HCLS1: variants seen among roughly 807,000 people sequenced by gnomAD.
HCLS1 encodes the protein hematopoietic lineage cell-specific protein.
In HCLS1, 44 loss-of-function variants were observed where a neutral mutation model predicts 68.6. That is an observed-to-expected ratio of 0.64 (90% CI 0.50 to 0.82). The LOEUF (loss-of-function observed/expected upper bound fraction) is 0.82. HCLS1 is among the 40% of genes least tolerant of loss of function. The pLI is 0.00. For missense variants in HCLS1, 602 were observed against 612.1 expected (o/e 0.98, Z 0.17); for synonymous variants, 217 against 225.8 (o/e 0.96, Z 0.35).
Position 121,642,970 on chromosome 3 carries a change from G to A in HCLS1, c.411C>T (p.Gly137=). Residue 137 remains glycine, a synonymous_variant, in exon 6 of 14, where the codon GGC becomes GGT. Transcript: ENST00000314583. ...TCTCCACTTCTCCTTTATAATCAAAGCCGACTGCTGACTACAGAGAAGAGG... is the reference window on the plus strand; with the variant it reads ...TCTCCACTTCTCCTTTATAATCAAAACCGACTGCTGACTACAGAGAAGAGG... ...ERDRADKSAV[G]FDYKGEVEKH... The A allele has an allele frequency of 6.2e-7, 1 of 1,612,994 alleles. No individual in the cohort carries two copies. The highest frequency in any genetic ancestry group is 8.5e-7 in the Non-Finnish European group (1 of 1,179,072).
chr3:121,634,374 C>A lies in HCLS1; in HGVS notation c.736G>T (p.Ala246Ser), dbSNP rs2049129679. The change falls in exon 10 of 14, where the codon GCT becomes TCT. Residue 246 changes from alanine (A) to serine (S), a missense_variant. Transcript: ENST00000314583. The stretch of plus-strand genomic sequence containing the variant: ...TCCTCTCGCTTCCTCTTCTCCTCAG[C>A]CATGGACTCAAATTTCGCCTTCAGC... ...RGLKAKFESM[A>S]EEKRKREEEE... 6.2e-7 allele frequency: 1 copy of A among 1,614,062 alleles called. No homozygotes were observed. The highest frequency in any genetic ancestry group is 8.5e-7 in the Non-Finnish European group (1 of 1,180,016).
Position 121,634,198 on chromosome 3 carries a change from G to T in HCLS1, c.903+9C>A. 3 of 1,614,038 alleles carry T rather than the reference G, an allele frequency of 1.9e-6. No homozygotes were observed. Among genetic ancestry groups the T allele is most frequent in the Non-Finnish European group, 2.5e-6 (3 of 1,180,030 alleles). ...CCTGGATGTGGATCCCAGAGGGCCA[G>T]GCGCTCACCTCTGAGGAGATTTTCT... On this transcript the variant is annotated intron_variant, in intron 10 of 13. Transcript: ENST00000314583.
chr3:121,654,736 A>G (rs763585150), intron 3 of HCLS1, among the ~76,000 whole-genome samples: 2 of 152,144 alleles, frequency 1.3e-5, no homozygotes, highest in African/African-American at 2.4e-5. Context: ...CTCTACAGCT[A>G]CTGTTTTGTT....
intron 7 of HCLS1, 132 bp from the exon 8 acceptor site, chr3:121,636,621 G>T: frequency 1.4e-6 from 1 of 725,170 alleles, no homozygotes; most frequent in Non-Finnish European, 2.4e-6. Flanking sequence ...GAGGATAGAG[G>T]GAGGCATGGA....
intron 6 of HCLS1, among the ~76,000 whole-genome samples, chr3:121,642,329 C>T (rs555762513): frequency 2.0e-5 from 3 of 149,758 alleles, no homozygotes; most frequent in East Asian, 4.0e-4. Flanking sequence ...ATTAGCCAGG[C>T]GTGCTGGCAG....
chr3:121,637,049 C>T (rs1320814181), intron 7 of HCLS1, 97 bp downstream of exon 7: 1 of 815,900 alleles, frequency 1.2e-6, no homozygotes, highest in Admixed American at 1.9e-5. Flanking sequence ...TGCACATCTG[C>T]CCCTCTGTAT....
intron 3 of HCLS1, among the ~76,000 whole-genome samples, chr3:121,650,776 A>AT (rs1019973350): frequency 7.9e-4 from 120 of 152,168 alleles, no homozygotes; most frequent in African/African-American, 2.8e-3. Context: ...AGCCCCATAA[A>AT]TTTTTTTTCA....
chr3:121,656,562 C>T (rs1214084752), intron 3 of HCLS1, among the ~76,000 whole-genome samples: 2 of 146,040 alleles, frequency 1.4e-5, no homozygotes, highest in Admixed American at 6.8e-5. Context: ...CTTCTGGTAT[C>T]GGAGGGTTTT....
At chr3:121,634,114 C>CT in intron 10 of HCLS1, 93 bp downstream of exon 10, 1 of 1,583,208 alleles carries the variant, frequency 6.3e-7, no homozygotes, top group Non-Finnish European at 8.6e-7. Context: ...CAGGGGAGGA[C>CT]TTTGCCTTAT....
intron 3 of HCLS1, among the ~76,000 whole-genome samples, chr3:121,653,214 C>T (rs1321109924): frequency 6.6e-6 from 1 of 152,124 alleles, no homozygotes; most frequent in Admixed American, 6.5e-5. Flanking sequence ...AACTGTTGTG[C>T]ACCTGTATTT....
chr3:121,642,091 A>C (rs1016602512), intron 6 of HCLS1, among the ~76,000 whole-genome samples: 2 of 151,082 alleles, frequency 1.3e-5, no homozygotes, highest in African/African-American at 4.9e-5. Flanking sequence ...AAAAAAAAAA[A>C]AAAAAAACTT....
At chr3:121,646,199 ATAT>A (rs1369830919) in intron 4 of HCLS1, among the ~76,000 whole-genome samples, 1 of 109,848 alleles carries the variant, frequency 9.1e-6, no homozygotes, top group African/African-American at 3.7e-5. Flanking sequence ...AATATTAAAT[ATAT>A]TATTTATATT....
At position 121,631,561 on chromosome 3, in the gene HCLS1, C is replaced by T; in HGVS notation, c.*285G>A. 1 of 364,818 alleles carries T rather than the reference C, an allele frequency of 2.7e-6. No individual in the cohort carries two copies. The highest frequency in any genetic ancestry group is 5.0e-6 in the Non-Finnish European group (1 of 199,602). 22.6% of individuals were successfully genotyped at this position (364,818 alleles called of 1,614,324 possible). On this transcript the variant is annotated 3_prime_UTR_variant, in exon 14 of 14. Transcript: ENST00000314583. ...TAAACAAACTGGGAAGCCCAGAGCT[C>T]ACAGAGGAGGAGAGCAGAGCTTGGG...
At chr3:121,658,530 A>G (rs1029632528) in intron 1 of HCLS1, among the ~76,000 whole-genome samples, 183 bp from the exon 2 acceptor site, 5 of 152,326 alleles carry the variant, frequency 3.3e-5, no homozygotes, top group South Asian at 2.1e-4. Context: ...CTCAGTTACA[A>G]GATGAGAGAT....
chr3:121,645,803 C>A (rs2049240872), intron 4 of HCLS1, among the ~76,000 whole-genome samples: 1 of 148,526 alleles, frequency 6.7e-6, no homozygotes, highest in African/African-American at 2.5e-5. Context: ...TGATCTAGAA[C>A]AAAAGTATCT....
At chr3:121,651,387 A>G (rs929649036) in intron 3 of HCLS1, among the ~76,000 whole-genome samples, 2 of 152,180 alleles carry the variant, frequency 1.3e-5, no homozygotes, top group Non-Finnish European at 2.9e-5. Context: ...AGAGAAATTC[A>G]AATTAACTTA....
At chr3:121,637,895 C>A (rs985157205) in intron 6 of HCLS1, among the ~76,000 whole-genome samples, 5 of 151,122 alleles carry the variant, frequency 3.3e-5, no homozygotes, top group African/African-American at 1.2e-4. Context: ...AAGATTGCAC[C>A]ATTGCACTCC....
At chr3:121,632,014 G>C (rs781368357) in intron 13 of HCLS1, 32 bp from the exon 14 acceptor site, 1 of 1,613,908 alleles carries the variant, frequency 6.2e-7, no homozygotes, top group African/African-American at 1.3e-5. Flanking sequence ...TATTAGAATG[G>C]TCAGACATGA....
intron 6 of HCLS1, among the ~76,000 whole-genome samples, chr3:121,637,808 C>T (rs1182694322): frequency 2.6e-5 from 4 of 152,110 alleles, no homozygotes; most frequent in East Asian, 3.9e-4. Context: ...TGGTGATGTG[C>T]GTCTGTAGCC....
Sources: gnomAD v4.1 joint callset for allele counts (sites outside exome capture counted in the v4.1 genomes callset) on GRCh38, gnomAD v4.1.1 for gene constraint, MANE v1.5 for transcripts, NCBI Gene and HGNC (gene_info 2026-07-23, HGNC 2026-07-21) for gene names.